Variants in C16orf96 observed in about 807,000 individuals in gnomAD.
C16orf96 encodes uncharacterized protein C16orf96.
A neutral mutation model predicts 103.6 loss-of-function variants in C16orf96; 108 were observed. The ratio of observed to expected loss-of-function variants is 1.04; its 90% CI spans 0.89 to 1.22. C16orf96 has a LOEUF of 1.22. C16orf96 is among the 50% of genes most tolerant of loss of function. The pLI is 0.00. For synonymous variants in C16orf96, 566 were observed against 593.5 expected, an observed-to-expected ratio of 0.95 and a Z score of 0.67; for missense variants, 1,586 against 1,464.2, an observed-to-expected ratio of 1.08 and a Z score of -1.36.
Position 4,593,092 on chromosome 16 carries a change from A to G in C16orf96, c.2775-132A>G, listed in dbSNP as rs1331636747. 5 of 810,496 alleles carry G rather than the reference A, an allele frequency of 6.2e-6. No individual in the cohort carries two copies. The highest frequency in any genetic ancestry group is 1.0e-5 in the Non-Finnish European group (5 of 499,320). 50.2% of individuals were successfully genotyped at this position (810,496 alleles called of 1,614,324 possible). A position where few individuals can be genotyped will look rare whatever the true frequency, so the allele number is the denominator to read the frequency against. ...CTTCTATGCTGTGGACGCTTCTGGC[A>G]TTCGAGGGTGGTGACCTGAGTCTGC... On this transcript the variant is annotated intron_variant, in intron 11 of 15. Coordinates refer to ENST00000444310, the MANE Select transcript of C16orf96 (RefSeq NM_001145011.2). The surrounding 1 kb of genome is among the most constrained non-coding windows in gnomAD (Gnocchi z 4.2).
chr16:4,541,592 G>A, the C16orf96 span, among the ~76,000 whole-genome samples: 10 of 152,270 alleles, frequency 6.6e-5, no homozygotes, highest in Non-Finnish European at 1.2e-4. Flanking sequence ...ATAGGGCAGC[G>A]CTGCCTACAA....
intron 14 of C16orf96, 67 bp from the exon 15 acceptor site, chr16:4,599,217 G>A: frequency 2.8e-6 from 4 of 1,406,390 alleles, no homozygotes; most frequent in Non-Finnish European, 3.9e-6. Flanking sequence ...GCCCAGTGCT[G>A]GGATCGGCCT....
At chr16:4,539,684 C>CA in the C16orf96 span, among the ~76,000 whole-genome samples, 6 of 151,630 alleles carry the variant, frequency 4.0e-5, no homozygotes, top group African/African-American at 1.5e-4. Context: ...GACTCCATCT[C>CA]AAAAAAAGAA....
intron 7 of C16orf96, among the ~76,000 whole-genome samples, chr16:4,584,461 C>T (rs1381956659): frequency 6.6e-6 from 1 of 151,290 alleles, no homozygotes; most frequent in Non-Finnish European, 1.5e-5. Flanking sequence ...AATTCTTCTG[C>T]CTCAGCCTCC....
chr16:4,597,617 G>A lies in C16orf96; in HGVS notation c.3128-1667G>A, dbSNP rs538892837. 1.1e-3 allele frequency among the ~76,000 whole-genome samples: 174 copies of A among 152,014 alleles called. 1 individual carries two copies. The highest frequency in any genetic ancestry group is 4.0e-3 in the African/African-American group (166 of 41,440). On this transcript the variant is annotated intron_variant, in intron 14 of 15. Transcript: ENST00000444310. Reference sequence around the variant, plus strand: ...TGTTGCCAAGGCTGGAGTGCAGTGGGGCGATCTCAGCTCACTGCCATCTCA... The same window carrying A: ...TGTTGCCAAGGCTGGAGTGCAGTGGAGCGATCTCAGCTCACTGCCATCTCA...
At position 4,571,603 on chromosome 16, in the gene C16orf96, C is replaced by G; in HGVS notation, c.463C>G (p.Leu155Val). 1 of 1,552,354 alleles carries G rather than the reference C, an allele frequency of 6.4e-7. No homozygotes were observed. Among genetic ancestry groups the G allele is most frequent in the Non-Finnish European group, 8.7e-7 (1 of 1,147,104 alleles). Residue 155 changes from leucine to valine, a missense_variant, in exon 2 of 16, where the codon CTC becomes GTC. Leu to Val is a conservative substitution (Grantham distance 32, BLOSUM62 1). Transcript: ENST00000444310. ...GGACTTGCTCACTGATCTTCATGCACTCCAGGTCACCATCACAGCCCTCAG... is the reference window on the plus strand; with the variant it reads ...GGACTTGCTCACTGATCTTCATGCAGTCCAGGTCACCATCACAGCCCTCAG... ...LQDLLTDLHA[L>V]QVTITALRKE...
At chr16:4,594,618 CTG>C in intron 13 of C16orf96, 84 bp from the exon 14 acceptor site, 1 of 1,537,664 alleles carries the variant, frequency 6.5e-7, no homozygotes, top group Non-Finnish European at 8.8e-7. Context: ...AGGCTGCACT[CTG>C]TCTCCTGGGC....
chr16:4,555,698 CTTT>C (rs1166481480), upstream of C16orf96, among the ~76,000 whole-genome samples: 11 of 127,216 alleles, frequency 8.6e-5, no homozygotes, highest in Admixed American at 8.1e-5. Flanking sequence ...CTTTTCTTTT[CTTT>C]TTTTTTTTTT....
chr16:4,545,865 T>G, the C16orf96 span, among the ~76,000 whole-genome samples: 1 of 152,308 alleles, frequency 6.6e-6, no homozygotes, highest in Non-Finnish European at 1.5e-5. Context: ...CTTTCATTTT[T>G]TTGAGACAGA....
chr16:4,589,999 G>A (rs1340845385), intron 9 of C16orf96, among the ~76,000 whole-genome samples: 2 of 152,058 alleles, frequency 1.3e-5, no homozygotes, highest in Admixed American at 6.6e-5. Context: ...GGTGGCGGGC[G>A]CCTGTAGTCC....
At chr16:4,562,130 TG>T (rs1277933167) in intron 1 of C16orf96, among the ~76,000 whole-genome samples, 1 of 152,208 alleles carries the variant, frequency 6.6e-6, no homozygotes, top group African/African-American at 2.4e-5. Context: ...CAACATTAAC[TG>T]GTTCACTTTC....
chr16:4,597,853 G>C (rs564495313), intron 14 of C16orf96, among the ~76,000 whole-genome samples: 2 of 152,138 alleles, frequency 1.3e-5, no homozygotes, highest in African/African-American at 2.4e-5. Flanking sequence ...CACTGCGCCC[G>C]GCCTCATGTA....
At chr16:4,576,871 G>A (rs1214114268) in intron 5 of C16orf96, among the ~76,000 whole-genome samples, 1 of 152,162 alleles carries the variant, frequency 6.6e-6, no homozygotes, top group African/African-American at 2.4e-5. Flanking sequence ...GTTGGCACGA[G>A]GAAAATGGCA....
chr16:4,550,499 C>G, the C16orf96 span, among the ~76,000 whole-genome samples: 1 of 152,216 alleles, frequency 6.6e-6, no homozygotes, highest in Admixed American at 6.5e-5. Flanking sequence ...CAGCATCAAG[C>G]TAATGCATTG....
At chr16:4,540,600 G>A in the C16orf96 span, among the ~76,000 whole-genome samples, 3 of 151,910 alleles carry the variant, frequency 2.0e-5, no homozygotes, top group African/African-American at 4.8e-5. Context: ...CGGCATACAC[G>A]CCTGTAATCC....
At chr16:4,581,639 C>G (rs1322959537) in intron 7 of C16orf96, among the ~76,000 whole-genome samples, 1 of 151,012 alleles carries the variant, frequency 6.6e-6, no homozygotes, top group Non-Finnish European at 1.5e-5. Context: ...TCTCAAAAAA[C>G]AAAAACAAAA....
chr16:4,549,313 A>C, the C16orf96 span, among the ~76,000 whole-genome samples: 2 of 151,960 alleles, frequency 1.3e-5, no homozygotes, highest in Admixed American at 1.3e-4. Flanking sequence ...TCTCTACTAA[A>C]AATAGAAAAA....
chr16:4,556,344 C>T lies in C16orf96; in HGVS notation c.-146C>T. On this transcript the variant is annotated 5_prime_UTR_variant, in exon 1 of 16. Transcript: ENST00000444310. ...ACTCTGATCTGAGCTCCAGCCAGAA[C>T]AGAGGCCATTCCTCCCTGACTGCTG... is the stretch of plus-strand genomic sequence containing the variant. 1 of 761,052 alleles carries T rather than the reference C, an allele frequency of 1.3e-6. No homozygotes were observed. The highest frequency in any genetic ancestry group is 2.1e-5 in the South Asian group (1 of 46,884). 47.1% of individuals were successfully genotyped at this position (761,052 alleles called of 1,614,324 possible).
At chr16:4,591,890 G>T in intron 10 of C16orf96, 106 bp downstream of exon 10, 1 of 906,310 alleles carries the variant, frequency 1.1e-6, no homozygotes. Context: ...TTGGATGAGG[G>T]GATGGGGGCT....
Sources: allele counts gnomAD v4.1 joint callset (sites outside exome capture counted in the v4.1 genomes callset), GRCh38; gene constraint gnomAD v4.1.1; non-coding constraint Gnocchi (gnomAD v3.1); transcripts MANE v1.5; gene names NCBI Gene and HGNC (gene_info 2026-07-23, HGNC 2026-07-21).